TAFA5: variants seen among roughly 807,000 people sequenced by gnomAD.
TAFA5 encodes the protein TAFA chemokine like family member 5.
A neutral mutation model predicts 15.3 loss-of-function variants in TAFA5; 6 were observed. That is an observed-to-expected ratio of 0.39 (90% CI 0.21 to 0.77). The LOEUF is 0.77. Among genes scored for constraint, TAFA5 ranks in the 30% least tolerant of loss-of-function variants. The pLI is 0.41. For synonymous variants in TAFA5, 103 were observed against 80.7 expected, an observed-to-expected ratio of 1.28 and a Z score of -1.48; for missense variants, 161 against 193.1, an observed-to-expected ratio of 0.83 and a Z score of 0.98.
At chr22:48,561,349 T>C (rs1191190329) in intron 1 of TAFA5, among the ~76,000 whole-genome samples, 1 of 152,056 alleles carries the variant, frequency 6.6e-6, no homozygotes, top group East Asian at 1.9e-4. Flanking sequence ...CTTTGCAGGT[T>C]TGTGAATTCC....
intron 1 of TAFA5, among the ~76,000 whole-genome samples, chr22:48,611,018 C>T (rs923448099): frequency 1.3e-4 from 19 of 151,844 alleles, no homozygotes; most frequent in African/African-American, 4.6e-4. Flanking sequence ...GCTGCAACCT[C>T]CACCTCCTGG....
intron 2 of TAFA5, among the ~76,000 whole-genome samples, chr22:48,665,254 G>A (rs1731535215): frequency 6.6e-6 from 1 of 152,096 alleles, no homozygotes; most frequent in African/African-American, 2.4e-5. Context: ...CATGTTTATT[G>A]AGTTGCTGGT....
rs576436569 is a variant in TAFA5, at chr22:48,503,919, G to A, written c.112+14215G>A. 3.3e-5 allele frequency among the ~76,000 whole-genome samples: 5 copies of A among 152,230 alleles called. 1 individual carries two copies. The highest frequency in any genetic ancestry group is 9.6e-5 in the African/African-American group (4 of 41,546). On this transcript the variant is annotated intron_variant, in intron 1 of 3. Transcript: ENST00000402357. ...CAGCACCACAGGACCCCGAGTGTGT[G>A]GGGTGCCGAGCCAGCTCAGGATTGT...
chr22:48,590,789 A>G (rs2147156679), intron 1 of TAFA5, among the ~76,000 whole-genome samples: 1 of 152,190 alleles, frequency 6.6e-6, no homozygotes, highest in Middle Eastern at 3.4e-3. Flanking sequence ...CCAGCTTCAC[A>G]GTTACCTGGT....
At chr22:48,583,463 A>G (rs1924176811) in intron 1 of TAFA5, among the ~76,000 whole-genome samples, 1 of 146,474 alleles carries the variant, frequency 6.8e-6, no homozygotes, top group South Asian at 2.2e-4. Flanking sequence ...AAATATACAC[A>G]TACCACACAC....
chr22:48,533,673 A>G (rs1258056609), intron 1 of TAFA5, among the ~76,000 whole-genome samples: 3 of 152,210 alleles, frequency 2.0e-5, no homozygotes, highest in Admixed American at 6.5e-5. Flanking sequence ...CCCCTTTCCC[A>G]ACTCGAGGCC....
intron 1 of TAFA5, among the ~76,000 whole-genome samples, chr22:48,542,385 T>G (rs1251669560): frequency 7.6e-6 from 1 of 130,870 alleles, no homozygotes. Context: ...GTGGTGTGTG[T>G]GTGTGGTGTG....
chr22:48,638,132 C>T (rs183860191), intron 1 of TAFA5, among the ~76,000 whole-genome samples: 4 of 152,214 alleles, frequency 2.6e-5, no homozygotes, highest in East Asian at 3.9e-4. Flanking sequence ...CCTGTCACCA[C>T]GTCCTGGCAG....
intron 2 of TAFA5, among the ~76,000 whole-genome samples, chr22:48,687,686 T>C (rs1928407135): frequency 2.0e-5 from 3 of 152,068 alleles, no homozygotes; most frequent in South Asian, 4.1e-4. Context: ...CTCCTCACTC[T>C]CCCAGTGACA....
In TAFA5 at chr22:48,598,377, C is replaced by G. The variant is rs1238297885; in HGVS notation, c.113-48220C>G. ...TCAAGTTGACACATGTTACCCATCA[C>G]TTGGAGGTTATTTCCAGGGGGCAGT... On this transcript the variant is annotated intron_variant, in intron 1 of 3. Transcript: ENST00000402357. This position sits in a 1 kb window ranked among gnomAD's most constrained non-coding sequence, Gnocchi z 4.0. Among the ~76,000 whole-genome samples the G allele has an allele frequency of 6.6e-6, 1 of 152,210 alleles. No individual in the cohort carries two copies. Among genetic ancestry groups the G allele is most frequent in the Non-Finnish European group, 1.5e-5 (1 of 68,038 alleles).
chr22:48,604,543 T>C (rs761706022), intron 1 of TAFA5, among the ~76,000 whole-genome samples: 1 of 152,220 alleles, frequency 6.6e-6, no homozygotes, highest in Non-Finnish European at 1.5e-5. Flanking sequence ...TGCTCAAGCT[T>C]GGGAGGACTC....
intron 2 of TAFA5, chr22:48,693,400 C>T (rs778091746): frequency 1.8e-5 from 29 of 1,612,088 alleles, no homozygotes; most frequent in South Asian, 1.4e-4. Flanking sequence ...GAGATCCGTG[C>T]GCGTCATAGT....
chr22:48,578,317 C>T (rs1923894498), intron 1 of TAFA5, among the ~76,000 whole-genome samples: 1 of 152,236 alleles, frequency 6.6e-6, no homozygotes, highest in African/African-American at 2.4e-5. Flanking sequence ...CAAGGGCTTC[C>T]TTTCTGCCTC....
chr22:48,544,040 A>G (rs1023517445), intron 1 of TAFA5: 1 of 152,546 alleles, frequency 6.6e-6, no homozygotes, highest in African/African-American at 2.4e-5. Context: ...TGCCAGTGCC[A>G]TGGGTACCTG....
chr22:48,584,503 C>CCACA (rs372447681), intron 1 of TAFA5, among the ~76,000 whole-genome samples: 10,393 of 148,014 alleles, frequency 0.07, 491 homozygotes, highest in Admixed American at 0.11. Context: ...ACAAAATACA[C>CCACA]CACACACACA....
intron 3 of TAFA5, among the ~76,000 whole-genome samples, chr22:48,709,621 C>A (rs1929190211): frequency 6.6e-6 from 1 of 152,174 alleles, no homozygotes; most frequent in Admixed American, 6.5e-5. Flanking sequence ...TCTCAGTCGC[C>A]CTTTGATGAG....
intron 2 of TAFA5, among the ~76,000 whole-genome samples, chr22:48,646,975 C>T (rs1051410457): frequency 4.6e-5 from 7 of 152,216 alleles, no homozygotes; most frequent in Admixed American, 6.5e-5. Context: ...GGGGAGATGC[C>T]GGTGCCCTGC....
intron 3 of TAFA5, among the ~76,000 whole-genome samples, chr22:48,741,765 G>A (rs1266481676): frequency 6.6e-6 from 1 of 152,180 alleles, no homozygotes; most frequent in Non-Finnish European, 1.5e-5. Flanking sequence ...CAGACGTCCA[G>A]CCTCCTGGGC....
chr22:48,643,365 G>A (rs903800280), intron 1 of TAFA5, among the ~76,000 whole-genome samples: 13 of 152,312 alleles, frequency 8.5e-5, no homozygotes, highest in Non-Finnish European at 1.8e-4. Flanking sequence ...GCTCAGCACC[G>A]TCTCGTCCAT....
Sources: gnomAD v4.1 joint callset for allele counts (sites outside exome capture counted in the v4.1 genomes callset) on GRCh38, gnomAD v4.1.1 for gene constraint, Gnocchi (gnomAD v3.1) non-coding constraint, MANE v1.5 for transcripts, NCBI Gene and HGNC (gene_info 2026-07-23, HGNC 2026-07-21) for gene names.